The following PXDNL variants were observed in gnomAD, a reference collection of about 807,000 sequenced individuals.
PXDNL encodes the protein probable oxidoreductase PXDNL.
PXDNL carries 145 observed loss-of-function variants against 150.8 expected under a neutral mutation model. The ratio of observed to expected loss-of-function variants is 0.96; its 90% CI spans 0.84 to 1.10. PXDNL has a LOEUF of 1.10. Ranked by LOEUF, PXDNL falls within the 50% of genes least tolerant of loss-of-function variation. The probability of loss-of-function intolerance (pLI) is 0.00; values close to 1 mark genes in which losing one functional copy is unlikely to be tolerated. For missense variants in PXDNL, 2,087 were observed against 1,873.9 expected (o/e 1.11, Z -2.10); for synonymous variants, 757 against 725.7 (o/e 1.04, Z -0.69).
intron 17 of PXDNL, among the ~76,000 whole-genome samples, chr8:51,395,883 C>G (rs568254267): frequency 6.6e-6 from 1 of 152,214 alleles, no homozygotes; most frequent in Non-Finnish European, 1.5e-5. Flanking sequence ...AGCCCACCAC[C>G]CCCAACTCTG....
At chr8:51,399,653 T>C (rs1168134182) in intron 17 of PXDNL, among the ~76,000 whole-genome samples, 1 of 152,230 alleles carries the variant, frequency 6.6e-6, no homozygotes, top group African/African-American at 2.4e-5. Flanking sequence ...ACTGGGGTAA[T>C]GATTACAGAG....
rs183165343 is a variant in PXDNL, at chr8:51,805,099, C to G, written c.164+4082G>C. Among the ~76,000 whole-genome samples the G allele has an allele frequency of 1.2e-4, 18 of 152,020 alleles. No homozygotes were observed. The East Asian group carries it at 2.7e-3, about 23-fold the overall frequency. Reference sequence around the variant, plus strand: ...TCATTTCTCTCCCCAACAAGTCAACCACTGGGGGAAGTTTGAATGTTGACA... The same window carrying G: ...TCATTTCTCTCCCCAACAAGTCAACGACTGGGGGAAGTTTGAATGTTGACA... On this transcript the variant is annotated intron_variant, in intron 1 of 22. Coordinates refer to ENST00000356297, the MANE Select transcript of PXDNL (RefSeq NM_144651.5).
chr8:51,323,315 T>A (rs1459467996), intron 21 of PXDNL, among the ~76,000 whole-genome samples: 2 of 152,220 alleles, frequency 1.3e-5, no homozygotes, highest in Non-Finnish European at 1.5e-5. Flanking sequence ...AGTCTCGCTC[T>A]GTCACCCAGG....
intron 14 of PXDNL, among the ~76,000 whole-genome samples, chr8:51,419,195 A>G (rs1808882009): frequency 6.6e-6 from 1 of 152,218 alleles, no homozygotes; most frequent in Non-Finnish European, 1.5e-5. Flanking sequence ...ATTTCAGAGG[A>G]GATAACATTG....
At chr8:51,331,205 C>G (rs1158449823) in intron 21 of PXDNL, among the ~76,000 whole-genome samples, 1 of 152,148 alleles carries the variant, frequency 6.6e-6, no homozygotes, top group African/African-American at 2.4e-5. Flanking sequence ...ACACACACCC[C>G]CACTGGAGAA....
intron 14 of PXDNL, among the ~76,000 whole-genome samples, chr8:51,417,348 C>T (rs1414652965): frequency 1.3e-5 from 2 of 152,192 alleles, no homozygotes; most frequent in Non-Finnish European, 2.9e-5. Flanking sequence ...CCTATCCCTG[C>T]ATCTATGAGG....
chr8:51,798,198 G>A (rs138038141), intron 1 of PXDNL, among the ~76,000 whole-genome samples: 5,118 of 152,202 alleles, frequency 0.034, 125 homozygotes, highest in Non-Finnish European at 0.054. Context: ...ATGGATTAAA[G>A]ACTTAAATGT....
At chr8:51,321,164 G>C in intron 21 of PXDNL, 1 of 315,554 alleles carries the variant, frequency 3.2e-6, no homozygotes, top group Admixed American at 4.9e-5. Flanking sequence ...CTAAAGGAAG[G>C]GGAATTAAAA....
At chr8:51,339,407 C>G (rs192476256) in intron 21 of PXDNL, among the ~76,000 whole-genome samples, 1 of 152,150 alleles carries the variant, frequency 6.6e-6, no homozygotes, top group Non-Finnish European at 1.5e-5. Flanking sequence ...CTCCAGTGAG[C>G]CAGAATTGTG....
At chr8:51,493,005 T>C (rs1419475324) in intron 5 of PXDNL, among the ~76,000 whole-genome samples, 1 of 152,206 alleles carries the variant, frequency 6.6e-6, no homozygotes, top group African/African-American at 2.4e-5. Flanking sequence ...CTCTGAACCC[T>C]GAGTAGCCTA....
At chr8:51,502,339 A>G (rs1459192584) in intron 4 of PXDNL, among the ~76,000 whole-genome samples, 1 of 152,222 alleles carries the variant, frequency 6.6e-6, no homozygotes, top group Non-Finnish European at 1.5e-5. Context: ...ATCCCGGAGC[A>G]GAGCCTTTCT....
chr8:51,735,318 TA>T (rs996445637), intron 1 of PXDNL, among the ~76,000 whole-genome samples: 11 of 149,464 alleles, frequency 7.4e-5, no homozygotes, highest in East Asian at 2.0e-4. Context: ...CTGTATCTAC[TA>T]AAAAAAAAGA....
intron 12 of PXDNL, among the ~76,000 whole-genome samples, chr8:51,445,982 C>A (rs1430841290): frequency 1.4e-4 from 21 of 150,040 alleles, no homozygotes; most frequent in Non-Finnish European, 2.7e-4. Context: ...ACCTCAACTT[C>A]CTTTAAAAAA....
At chr8:51,705,832 T>TGTGTGTGC (rs1349926589) in intron 1 of PXDNL, among the ~76,000 whole-genome samples, 1 of 149,606 alleles carries the variant, frequency 6.7e-6, no homozygotes, top group Non-Finnish European at 1.5e-5. Context: ...TGTGTGTGTG[T>TGTGTGTGC]GCGCGCGCGC....
rs114874273 is a variant in PXDNL, at chr8:51,413,206, A to T, written c.1848T>A (p.Asp616Glu). 2.5e-6 allele frequency: 4 copies of T among 1,613,082 alleles called. No homozygotes were observed. The highest frequency in any genetic ancestry group is 2.2e-5 in the South Asian group (2 of 91,056). Residue 616 changes from aspartate to glutamate, a missense_variant, in exon 15 of 23, where the codon GAT (aspartate) becomes GAA (glutamate). Physicochemically the swap from Asp to Glu is conservative, Grantham distance 45 (BLOSUM62 2). Transcript: ENST00000356297. ...TTGCACTGTCAACTCTCTGTACAGC[A>T]TCAAGAATGGAAGATTCAACAAAGT... ...GDDFVESSIL[D>E]AVQRVDSAIN...
chr8:51,330,291 G>C (rs1805643556), intron 21 of PXDNL, among the ~76,000 whole-genome samples: 1 of 152,048 alleles, frequency 6.6e-6, no homozygotes, highest in South Asian at 2.1e-4. Context: ...AGAATCTGTT[G>C]ACCTGAAGAT....
chr8:51,374,800 A>G, intron 17 of PXDNL, 69 bp from the exon 18 acceptor site: 1 of 1,515,084 alleles, frequency 6.6e-7, no homozygotes, highest in Non-Finnish European at 9.0e-7. Flanking sequence ...TCCTTATGTG[A>G]ATGACCACCA....
chr8:51,680,387 A>G (rs1402940699), intron 1 of PXDNL, among the ~76,000 whole-genome samples: 1 of 152,186 alleles, frequency 6.6e-6, no homozygotes. Context: ...CTTGACAATG[A>G]AGTTTATATC....
intron 1 of PXDNL, 42 bp from the exon 2 acceptor site, chr8:51,654,802 C>A (rs780233544): frequency 6.9e-7 from 1 of 1,439,924 alleles, no homozygotes; most frequent in South Asian, 1.1e-5. Context: ...AATATGTTGA[C>A]TGCATTCTGC....
Sources: allele counts gnomAD v4.1 joint callset (sites outside exome capture counted in the v4.1 genomes callset), GRCh38; gene constraint gnomAD v4.1.1; transcripts MANE v1.5; gene names NCBI Gene and HGNC (gene_info 2026-07-23, HGNC 2026-07-21).